Variants in ABCA12 observed in about 807,000 individuals in gnomAD.
ABCA12 encodes glucosylceramide transporter ABCA12.
ABCA12 carries 156 observed loss-of-function variants against 293.5 expected under a neutral mutation model. That is an observed-to-expected ratio of 0.53 (90% confidence interval 0.47 to 0.61). ABCA12 has a LOEUF of 0.61. ABCA12 is among the 20% of genes least tolerant of loss of function. ABCA12 has a pLI of 0.00. For missense variants in ABCA12, 2,797 were observed against 3,090.2 expected (o/e 0.91, Z 2.25); for synonymous variants, 1,063 against 1,108.0 (o/e 0.96, Z 0.81).
intron 22 of ABCA12, among the ~76,000 whole-genome samples, chr2:215,000,294 G>A (rs929771657): frequency 3.3e-5 from 5 of 152,046 alleles, no homozygotes; most frequent in East Asian, 1.9e-4. Context: ...TTGATCATGC[G>A]CTCAGATTTT....
Position 214,983,869 on chromosome 2 carries a change from G to T in ABCA12, c.4164-4C>A, listed in dbSNP as rs1699726097. On this transcript the variant is annotated splice_polypyrimidine_tract_variant and splice_region_variant and intron_variant, in intron 28 of 52. Coordinates refer to ENST00000272895, the MANE Select transcript of ABCA12 (RefSeq NM_173076.3). ...AAACAGCCCAGTTAACATGGAACTGGAAATGAAGAAATGATAAATTAGGTA... is the reference window on the plus strand; with the variant it reads ...AAACAGCCCAGTTAACATGGAACTGTAAATGAAGAAATGATAAATTAGGTA... 7.4e-6 allele frequency: 12 copies of T among 1,611,920 alleles called. No individual in the cohort carries two copies. Among genetic ancestry groups the T allele is most frequent in the Non-Finnish European group, 1.0e-5 (12 of 1,178,602 alleles).
At chr2:214,991,142 G>T in intron 23 of ABCA12, 111 bp from the exon 24 acceptor site, 7 of 965,742 alleles carry the variant, frequency 7.2e-6, no homozygotes, top group Non-Finnish European at 1.1e-5. Flanking sequence ...TATGGAACTA[G>T]GCATTTTAAT....
chr2:214,985,278 T>C (rs1699760846), intron 28 of ABCA12, among the ~76,000 whole-genome samples: 1 of 152,168 alleles, frequency 6.6e-6, no homozygotes. Context: ...CTGGAGGCCA[T>C]TATCTTTAGC....
In ABCA12 at chr2:215,010,338, A is replaced by G; in HGVS notation, c.2465T>C (p.Met822Thr). 1 of 1,613,732 alleles carries G rather than the reference A, an allele frequency of 6.2e-7. No homozygotes were observed. Among genetic ancestry groups the G allele is most frequent in the Non-Finnish European group, 8.5e-7 (1 of 1,179,676 alleles). Residue 822 changes from methionine to threonine, a missense_variant, in exon 18 of 53, where the codon ATG becomes ACG. Physicochemically the swap from Met to Thr is moderately conservative, Grantham distance 81. Around this residue, in one of 3 missense-constraint regions of ABCA12, gnomAD observed 2,130 missense variants for 2,427.0 expected, o/e 0.88. Coordinates refer to ENST00000272895, the MANE Select transcript of ABCA12 (RefSeq NM_173076.3). ...GAGTTATAATGGTCAAACCTTTTCC[A>G]TTATTGCCTTTGTGACTGGGTTATA... is the stretch of plus-strand genomic sequence containing the variant. ...APYNPVTKAIMEKSNVTLRQL... is the reference protein window; with the variant it reads ...APYNPVTKAITEKSNVTLRQL...
intron 33 of ABCA12, among the ~76,000 whole-genome samples, chr2:214,976,828 T>C (rs1699527761): frequency 6.6e-6 from 1 of 152,150 alleles, no homozygotes. Flanking sequence ...TCAATAGAGC[T>C]CTGTGGCTAA....
chr2:215,121,582 T>A (rs766376792), intron 1 of ABCA12, among the ~76,000 whole-genome samples: 2 of 152,090 alleles, frequency 1.3e-5, no homozygotes, highest in Non-Finnish European at 2.9e-5. Flanking sequence ...ACTTTCCCAG[T>A]GAGGAAATAA....
chr2:215,077,087 G>T (rs1405320568), intron 2 of ABCA12, among the ~76,000 whole-genome samples: 1 of 152,042 alleles, frequency 6.6e-6, no homozygotes, highest in Non-Finnish European at 1.5e-5. Flanking sequence ...GTTTACACAG[G>T]GGCCTCCAAG....
chr2:215,067,380 G>T (rs541339053), intron 2 of ABCA12, among the ~76,000 whole-genome samples: 2 of 151,978 alleles, frequency 1.3e-5, no homozygotes, highest in Non-Finnish European at 2.9e-5. Context: ...ACAAATTTAA[G>T]GACACAAGTA....
Position 214,979,058 on chromosome 2 carries a change from G to A in ABCA12, c.4741-18C>T. On this transcript the variant is annotated intron_variant, in intron 31 of 52. Transcript: ENST00000272895. Reference sequence around the variant, plus strand: ...TTTGGACTCTAAGAGAGAAAAGTAGGAATTAAAACACTCTCCTCTCTTTAC... The same window carrying A: ...TTTGGACTCTAAGAGAGAAAAGTAGAAATTAAAACACTCTCCTCTCTTTAC... 1 of 1,599,550 alleles carries A rather than the reference G, an allele frequency of 6.3e-7. No homozygotes were observed. Among genetic ancestry groups the A allele is most frequent in the Non-Finnish European group, 8.6e-7 (1 of 1,166,766 alleles).
At chr2:215,118,076 C>T (rs1252172284) in intron 1 of ABCA12, among the ~76,000 whole-genome samples, 2 of 152,098 alleles carry the variant, frequency 1.3e-5, no homozygotes, top group African/African-American at 2.4e-5. Context: ...TGCCTTTATA[C>T]TAGAGTAGCC....
At position 215,031,809 on chromosome 2, in the gene ABCA12, A is replaced by T; in HGVS notation, c.1061+12T>A. On this transcript the variant is annotated intron_variant, in intron 9 of 52. Coordinates refer to ENST00000272895, the MANE Select transcript of ABCA12 (RefSeq NM_173076.3). ...AAGTTATCTACCTATTTAGAAATAAACAAAGACTTACTGTGCAGCCAGACT... is the reference window on the plus strand; with the variant it reads ...AAGTTATCTACCTATTTAGAAATAATCAAAGACTTACTGTGCAGCCAGACT... 6.2e-7 allele frequency: 1 copy of T among 1,613,886 alleles called. No individual in the cohort carries two copies.
intron 2 of ABCA12, among the ~76,000 whole-genome samples, chr2:215,103,142 T>C (rs1702391024): frequency 6.6e-6 from 1 of 152,196 alleles, no homozygotes; most frequent in Non-Finnish European, 1.5e-5. Flanking sequence ...TCTTATAGGC[T>C]TGATTGCTGT....
At chr2:215,120,260 G>A (rs1418830654) in intron 1 of ABCA12, among the ~76,000 whole-genome samples, 1 of 152,064 alleles carries the variant, frequency 6.6e-6, no homozygotes, top group Non-Finnish European at 1.5e-5. Context: ...AACAGACTCT[G>A]CAGAGTACTA....
Position 215,138,504 on chromosome 2 carries a change from T to C in ABCA12, c.-296A>G. On this transcript the variant is annotated 5_prime_UTR_variant, in exon 1 of 53. Transcript: ENST00000272895. ...TAAAATAATATCCAGTTGCTGCTTG[T>C]TGCACGAAGTCCAGACTCAAGAGAG... 4.8e-6 allele frequency: 2 copies of C among 415,632 alleles called. No individual in the cohort carries two copies. The highest frequency in any genetic ancestry group is 4.5e-6 in the Non-Finnish European group (1 of 221,970). 25.7% of individuals were successfully genotyped at this position (415,632 alleles called of 1,614,324 possible). A position where few individuals can be genotyped will look rare whatever the true frequency, so the allele number is the denominator to read the frequency against.
intron 13 of ABCA12, among the ~76,000 whole-genome samples, chr2:215,018,858 T>G (rs567910459): frequency 6.6e-6 from 1 of 152,352 alleles, no homozygotes; most frequent in African/African-American, 2.4e-5. Flanking sequence ...AAATTCTGAA[T>G]GCCTTTCCTT....
chr2:215,028,026 CTA>C (rs1166054235), intron 9 of ABCA12, among the ~76,000 whole-genome samples: 1 of 152,162 alleles, frequency 6.6e-6, no homozygotes, highest in Non-Finnish European at 1.5e-5. Flanking sequence ...GGCTACATCT[CTA>C]TTTATTTTGT....
chr2:215,024,252 C>G (rs771413128), intron 11 of ABCA12, among the ~76,000 whole-genome samples: 49 of 152,220 alleles, frequency 3.2e-4, no homozygotes, highest in Non-Finnish European at 6.0e-4. Context: ...CAACACTTAT[C>G]TCACTGTATT....
At chr2:215,058,879 T>C (rs1212961123) in intron 3 of ABCA12, among the ~76,000 whole-genome samples, 1 of 152,098 alleles carries the variant, frequency 6.6e-6, no homozygotes, top group Non-Finnish European at 1.5e-5. Context: ...TTACTTGTTC[T>C]CAGACATGTC....
intron 1 of ABCA12, among the ~76,000 whole-genome samples, chr2:215,123,705 T>C (rs960780722): frequency 2.0e-5 from 3 of 152,224 alleles, no homozygotes; most frequent in African/African-American, 7.2e-5. Context: ...GTATGAATGT[T>C]TTCTTTTCTC....
Sources: gnomAD v4.1 joint callset for allele counts (sites outside exome capture counted in the v4.1 genomes callset) on GRCh38, gnomAD v4.1.1 for gene constraint, gnomAD v4.1.1 regional missense constraint, MANE v1.5 for transcripts, NCBI Gene and HGNC (gene_info 2026-07-23, HGNC 2026-07-21) for gene names.